The following PGR variants were observed in gnomAD, a reference collection of about 807,000 sequenced individuals.
The protein encoded by PGR is nuclear receptor subfamily 3 group C member 3.
PGR carries 25 observed loss-of-function variants against 76.1 expected under a neutral mutation model. The observed-to-expected ratio is 0.33, with a 90% confidence interval of 0.24 to 0.46. PGR has a LOEUF of 0.46. Ranked by LOEUF, PGR falls within the 20% of genes least tolerant of loss-of-function variation. The pLI is 1.00. For missense variants in PGR, 1,172 were observed against 1,225.3 expected (o/e 0.96, Z 0.65); for synonymous variants, 579 against 535.0 (o/e 1.08, Z -1.14).
rs770847932 is a variant in PGR at position 101,032,142 on chromosome 11, T to G, written c.*6974A>C. 7.1e-4 allele frequency: 165 copies of G among 232,962 alleles called. No individual in the cohort carries two copies. The highest frequency in any genetic ancestry group is 1.2e-3 in the Non-Finnish European group (144 of 117,860). The allele number at this position is 232,962 out of a possible 1,614,324, so 14.4% of individuals were successfully genotyped here. On this transcript the variant is annotated 3_prime_UTR_variant, in exon 8 of 8. Coordinates refer to ENST00000325455, the MANE Select transcript of PGR (RefSeq NM_000926.4). ...ACATCTGGCCTTGTGTTTGACAATT[T>G]ATATGGTGTATTTCATCTCCTTTCG...
chr11:101,077,102 AT>A (rs1861154973), intron 3 of PGR, among the ~76,000 whole-genome samples: 1 of 151,530 alleles, frequency 6.6e-6, no homozygotes, highest in South Asian at 2.1e-4. Context: ...TAGTGTTTGT[AT>A]TCCCATCCTG....
chr11:101,126,099 A>G lies in PGR; in HGVS notation c.1697T>C (p.Ile566Thr), dbSNP rs1484535590. 4 of 1,613,990 alleles carry G rather than the reference A, an allele frequency of 2.5e-6. No individual in the cohort carries two copies. In the South Asian group the frequency reaches 4.4e-5, roughly 18 times the overall value. Reference protein sequence around the residue: ...QYSFESLPQKICLICGDEASG... With the variant: ...QYSFESLPQKTCLICGDEASG... ...TGCTTCATCCCCACAGATTAAACAAATCTTCTGAGGTAATGACTCGAAGCT... is the reference window on the plus strand; with the variant it reads ...TGCTTCATCCCCACAGATTAAACAAGTCTTCTGAGGTAATGACTCGAAGCT... Residue 566 changes from isoleucine (I) to threonine (T), a missense_variant, in exon 2 of 8, where the codon ATT becomes ACT. Transcript: ENST00000325455.
In PGR at chr11:101,038,981, T is replaced by A. The variant is rs1416765730; in HGVS notation, c.*135A>T. The A allele has an allele frequency of 1.3e-5, 8 of 612,606 alleles. No individual in the cohort carries two copies. Among genetic ancestry groups the A allele is most frequent in the Non-Finnish European group, 2.3e-5 (8 of 355,050 alleles). 37.9% of individuals were successfully genotyped at this position (612,606 alleles called of 1,614,324 possible). Reference sequence around the variant, plus strand: ...ATAATTAGAACCTCACAATTTTTCTTTTAAATTTACACACTATGATGTTAT... The same window carrying A: ...ATAATTAGAACCTCACAATTTTTCTATTAAATTTACACACTATGATGTTAT... On this transcript the variant is annotated 3_prime_UTR_variant, in exon 8 of 8. Transcript: ENST00000325455.
chr11:101,127,215 A>T, intron 1 of PGR: 1 of 381,952 alleles, frequency 2.6e-6, no homozygotes, highest in Non-Finnish European at 4.6e-6. Context: ...CCCCAAAAAT[A>T]GTATATTCTG....
intron 2 of PGR, among the ~76,000 whole-genome samples, chr11:101,107,653 TGTAGGATTATAACA>T (rs1862206563): frequency 6.6e-6 from 1 of 152,190 alleles, no homozygotes; most frequent in Non-Finnish European, 1.5e-5. Context: ...GCTACTCTGA[TGTAGGATTATAACA>T]GTTACATACA....
intron 3 of PGR, among the ~76,000 whole-genome samples, chr11:101,088,705 A>G (rs1861576755): frequency 1.3e-5 from 2 of 152,196 alleles, no homozygotes; most frequent in Admixed American, 1.3e-4. Flanking sequence ...AAGAAAATAA[A>G]TTGTTCTACT....
chr11:101,079,427 A>G (rs1861231155), intron 3 of PGR, among the ~76,000 whole-genome samples: 1 of 152,072 alleles, frequency 6.6e-6, no homozygotes, highest in African/African-American at 2.4e-5. Flanking sequence ...ATAGCAAAAA[A>G]AAAAAGTAAT....
At chr11:101,045,236 A>G (rs1591368402) in intron 6 of PGR, among the ~76,000 whole-genome samples, 1 of 152,186 alleles carries the variant, frequency 6.6e-6, no homozygotes, top group African/African-American at 2.4e-5. Flanking sequence ...GCAATTCAGT[A>G]TATCTATGCA....
At chr11:101,039,478 T>C (rs931112772) in intron 7 of PGR, among the ~76,000 whole-genome samples, 2 of 151,980 alleles carry the variant, frequency 1.3e-5, no homozygotes, top group African/African-American at 4.8e-5. Flanking sequence ...TCTGATATTA[T>C]GGAAAGATTT....
intron 4 of PGR, among the ~76,000 whole-genome samples, chr11:101,059,692 CAA>C (rs1438471094): frequency 6.6e-6 from 1 of 150,910 alleles, no homozygotes; most frequent in Non-Finnish European, 1.5e-5. Context: ...AAAATTTAGC[CAA>C]GCAAGGTGGC....
chr11:101,121,589 A>C (rs1459363640), intron 2 of PGR, among the ~76,000 whole-genome samples: 1 of 152,206 alleles, frequency 6.6e-6, no homozygotes. Flanking sequence ...AGGTCTGAAA[A>C]ACTTTCCCCA....
chr11:101,070,852 C>G (rs1299644308), intron 3 of PGR, among the ~76,000 whole-genome samples: 1 of 152,192 alleles, frequency 6.6e-6, no homozygotes, highest in African/African-American at 2.4e-5. Context: ...CTCCCATCTC[C>G]CTGGGACAGA....
At position 101,127,964 on chromosome 11, in the gene PGR, G is replaced by T. The variant is rs191143723; in HGVS notation, c.1107C>A (p.Pro369=). 11 of 1,612,100 alleles carry T rather than the reference G, an allele frequency of 6.8e-6. No individual in the cohort carries two copies. Among genetic ancestry groups the T allele is most frequent in the Non-Finnish European group, 6.8e-6 (8 of 1,179,832 alleles). The part of the protein sequence containing the change: ...PDCAYPPDAE[P]KDDAYPLYSD... ...TATAGAGAGGGTACGCGTCGTCCTT[G>T]GGCTCGGCGTCGGGCGGGTACGCGC... Residue 369 remains proline (P), a synonymous_variant, in exon 1 of 8, where the codon CCC becomes CCA. Coordinates refer to ENST00000325455, the MANE Select transcript of PGR (RefSeq NM_000926.4).
At chr11:101,106,978 C>T (rs1359522528) in intron 2 of PGR, among the ~76,000 whole-genome samples, 2 of 152,096 alleles carry the variant, frequency 1.3e-5, no homozygotes, top group Admixed American at 6.5e-5. Flanking sequence ...AACCAAACAC[C>T]GCATTGTCTC....
At chr11:101,083,318 G>A (rs766064688) in intron 3 of PGR, among the ~76,000 whole-genome samples, 16 of 152,364 alleles carry the variant, frequency 1.1e-4, no homozygotes, top group South Asian at 8.3e-4. Context: ...TGCTTCAAGC[G>A]CAGAGACCTC....
At chr11:101,066,176 T>TC (rs2135416961) in intron 3 of PGR, among the ~76,000 whole-genome samples, 1 of 152,292 alleles carries the variant, frequency 6.6e-6, no homozygotes, top group African/African-American at 2.4e-5. Flanking sequence ...TTGAACCTTC[T>TC]CCAGTCAGGT....
In PGR at chr11:101,127,656, T is replaced by A. The variant is rs1486873665; in HGVS notation, c.1415A>T (p.Gln472Leu). ...GCAGGGCGGCGGCGCGAACGGGCCC[T>A]GCTGGGGCGGCGCGCCCTCCGCTTT... ...LYKAEGAPPQ[Q>L]GPFAPPPCKA... is the part of the protein sequence containing the mutation. Residue 472 changes from glutamine to leucine, a missense_variant, in exon 1 of 8, where the codon CAG becomes CTG. By Grantham distance (113) the Gln-to-Leu change is moderately radical. Coordinates refer to ENST00000325455, the MANE Select transcript of PGR (RefSeq NM_000926.4). 6.6e-7 allele frequency: 1 copy of A among 1,524,990 alleles called. No individual in the cohort carries two copies. Among genetic ancestry groups the A allele is most frequent in the Non-Finnish European group, 8.7e-7 (1 of 1,143,348 alleles). The allele number at this position is 1,524,990 out of a possible 1,614,324, so 94.5% of individuals were successfully genotyped here.
Position 101,038,675 on chromosome 11 carries a change from A to G in PGR, c.*441T>C. The G allele has an allele frequency of 4.3e-6, 1 of 231,768 alleles. No individual in the cohort carries two copies. Among genetic ancestry groups the G allele is most frequent in the Non-Finnish European group, 8.5e-6 (1 of 117,222 alleles). The allele number at this position is 231,768 out of a possible 1,614,324, so 14.4% of individuals were successfully genotyped here. A position where few individuals can be genotyped will look rare whatever the true frequency, so the allele number is the denominator to read the frequency against. ...CAAATATATATAGACAAAATTTTGC[A>G]TACCATTTTAAAGGTTCATTTTTGG... On this transcript the variant is annotated 3_prime_UTR_variant, in exon 8 of 8. Coordinates refer to ENST00000325455, the MANE Select transcript of PGR (RefSeq NM_000926.4).
rs1859548179 is a variant in PGR, at chr11:101,037,450, A to G, written c.*1666T>C. 4.5e-6 allele frequency: 1 copy of G among 221,610 alleles called. No homozygotes were observed. Among genetic ancestry groups the G allele is most frequent in the African/African-American group, 2.2e-5 (1 of 44,750 alleles). 13.7% of individuals were successfully genotyped at this position (221,610 alleles called of 1,614,324 possible). A position where few individuals can be genotyped will look rare whatever the true frequency, so the allele number is the denominator to read the frequency against. ...CAATATTTGTTGAATGAAATTAGAA[A>G]TGAAGAAAGTTTTTATGCTGAGGTT... is the stretch of plus-strand genomic sequence containing the variant. On this transcript the variant is annotated 3_prime_UTR_variant, in exon 8 of 8. Transcript: ENST00000325455.
Sources: allele counts gnomAD v4.1 joint callset (sites outside exome capture counted in the v4.1 genomes callset), GRCh38; gene constraint gnomAD v4.1.1; transcripts MANE v1.5; gene names NCBI Gene and HGNC (gene_info 2026-07-23, HGNC 2026-07-21).